The following PHC1 variants were observed in gnomAD, a reference collection of about 807,000 sequenced individuals.
PHC1 encodes the protein polyhomeotic-like protein 1.
A neutral mutation model predicts 104.3 loss-of-function variants in PHC1; 12 were observed. The observed-to-expected ratio is 0.12, with a 90% CI of 0.07 to 0.19. The LOEUF is 0.19. PHC1 is among the 10% of genes least tolerant of loss of function. PHC1 has a pLI of 1.00. For synonymous variants in PHC1, 302 were observed against 455.8 expected (o/e 0.66, Z 4.30); for missense variants, 671 against 1,200.0 (o/e 0.56, Z 6.51).
chr12:8,917,537 A>G (rs1945236700), intron 1 of PHC1, 93 bp from the exon 2 acceptor site: 1 of 486,476 alleles, frequency 2.1e-6, no homozygotes, highest in Admixed American at 4.4e-5. Flanking sequence ...AGATTCTTAG[A>G]TACTTATGGA....
Position 8,917,752 on chromosome 12 carries a change from G to T in PHC1, c.75G>T (p.Gln25His), listed in dbSNP as rs138680834. The T allele has an allele frequency of 5.7e-6, 9 of 1,579,746 alleles. No individual in the cohort carries two copies. The African/African-American group carries it at 9.7e-5, about 17-fold the overall frequency. The change falls in exon 2 of 15, where the codon CAG (glutamine) becomes CAT (histidine). Residue 25 changes from glutamine (Q) to histidine (H), a missense_variant. Physicochemically the swap from Gln to His is conservative, Grantham distance 24 (BLOSUM62 0). Coordinates refer to ENST00000544916, the MANE Select transcript of PHC1 (RefSeq NM_004426.3). Reference sequence around the variant, plus strand: ...GCTCAGGGGGCAGCTCTCGGCCCCAGATAGCTCAAATGTCACTTTATGAAC... The same window carrying T: ...GCTCAGGGGGCAGCTCTCGGCCCCATATAGCTCAAATGTCACTTTATGAAC... ...SSSSGGSSRP[Q>H]IAQMSLYERQ...
intron 4 of PHC1, 31 bp from the exon 5 acceptor site, chr12:8,921,570 C>G: frequency 1.2e-6 from 2 of 1,611,376 alleles, no homozygotes; most frequent in Non-Finnish European, 1.7e-6. Flanking sequence ...CTCCCAAATC[C>G]TTAGTCCTGG....
chr12:8,914,772 C>A lies in PHC1; in HGVS notation c.-104C>A, dbSNP rs1469568832. 1.3e-5 allele frequency: 2 copies of A among 153,496 alleles called. No individual in the cohort carries two copies. Among genetic ancestry groups the A allele is most frequent in the East Asian group, 1.9e-4 (1 of 5,162 alleles). The allele number at this position is 153,496 out of a possible 1,614,324, so 9.5% of individuals were successfully genotyped here. ...AGCCCAGCCTGGCGACTGGGGACCCCGGCACATGAGGTGGACGCCCCCGGG... is the reference window on the plus strand; with the variant it reads ...AGCCCAGCCTGGCGACTGGGGACCCAGGCACATGAGGTGGACGCCCCCGGG... On this transcript the variant is annotated 5_prime_UTR_variant, in exon 1 of 15. Transcript: ENST00000544916.
At position 8,932,587 on chromosome 12, in the gene PHC1, A is replaced by G. The variant is rs750520889; in HGVS notation, c.1130A>G (p.His377Arg). ...GCCACCTACACACAGATCCAGCCCC[A>G]TTCACTGATTCAGCAACAGCAACAG... ...SSATYTQIQP[H>R]SLIQQQQQIH... Residue 377 changes from histidine (H) to arginine (R), a missense_variant, in exon 8 of 15, where the codon CAT becomes CGT. This residue lies in a region of PHC1 where 78 missense variants were observed against 140.8 expected (regional missense o/e 0.55). Transcript: ENST00000544916. The G allele has an allele frequency of 3.7e-6, 6 of 1,613,934 alleles. No homozygotes were observed. The highest frequency in any genetic ancestry group is 1.3e-5 in the African/African-American group (1 of 75,014).
rs1474551838 is a variant in PHC1, at chr12:8,939,549, G to C, written c.*90G>C. 1 of 706,644 alleles carries C rather than the reference G, an allele frequency of 1.4e-6. No homozygotes were observed. Among genetic ancestry groups the C allele is most frequent in the Non-Finnish European group, 2.3e-6 (1 of 428,004 alleles). 43.8% of individuals were successfully genotyped at this position (706,644 alleles called of 1,614,324 possible). A position where few individuals can be genotyped will look rare whatever the true frequency, so the allele number is the denominator to read the frequency against. ...ACCAGCAGACTTTGCAGGGAAGAAA[G>C]AGTTGTTCCAATCATGTAACCTTCT... On this transcript the variant is annotated 3_prime_UTR_variant, in exon 15 of 15. Coordinates refer to ENST00000544916, the MANE Select transcript of PHC1 (RefSeq NM_004426.3).
In PHC1 at chr12:8,921,204, A is replaced by G. The variant is rs745452719; in HGVS notation, c.306+139A>G. 6.1e-5 allele frequency: 39 copies of G among 639,148 alleles called. No homozygotes were observed. The Admixed American group carries it at 1.1e-3, about 18-fold the overall frequency. 39.6% of individuals were successfully genotyped at this position (639,148 alleles called of 1,614,324 possible). A position where few individuals can be genotyped will look rare whatever the true frequency, so the allele number is the denominator to read the frequency against. ...CTGCTTTTAAGTAGAGAATAGTAGT[A>G]CAAGGGGAAAGTAACCAACATTAAT... On this transcript the variant is annotated intron_variant, in intron 4 of 14. Coordinates refer to ENST00000544916, the MANE Select transcript of PHC1 (RefSeq NM_004426.3).
At chr12:8,930,342 A>G in intron 6 of PHC1, 93 bp from the exon 7 acceptor site, 1 of 1,520,604 alleles carries the variant, frequency 6.6e-7, no homozygotes, top group Admixed American at 2.1e-5. Context: ...ATTCTGTGGA[A>G]TACGACACAA....
chr12:8,936,577 A>T (rs764492158), intron 11 of PHC1, among the ~76,000 whole-genome samples: 3 of 152,198 alleles, frequency 2.0e-5, no homozygotes, highest in Non-Finnish European at 2.9e-5. Flanking sequence ...AAATTGAATC[A>T]TATCTGAAAT....
chr12:8,929,478 TAC>T (rs754532726), intron 6 of PHC1, among the ~76,000 whole-genome samples: 172 of 152,168 alleles, frequency 1.1e-3, no homozygotes, highest in African/African-American at 2.3e-3. Context: ...TTTCTAAAAA[TAC>T]AGTCTTTTTA....
intron 6 of PHC1, among the ~76,000 whole-genome samples, chr12:8,923,045 T>G (rs1191825257): frequency 1.3e-5 from 2 of 152,250 alleles, no homozygotes; most frequent in Admixed American, 6.5e-5. Flanking sequence ...AGGGTAAATT[T>G]CCTCACCATC....
intron 6 of PHC1, among the ~76,000 whole-genome samples, chr12:8,924,677 G>A (rs1945466524): frequency 6.6e-6 from 1 of 152,166 alleles, no homozygotes; most frequent in Non-Finnish European, 1.5e-5. Context: ...TTAAATACGA[G>A]TATGTGTGGT....
chr12:8,925,690 A>G (rs888928164), intron 6 of PHC1, among the ~76,000 whole-genome samples: 3 of 152,154 alleles, frequency 2.0e-5, no homozygotes, highest in Non-Finnish European at 2.9e-5. Flanking sequence ...GACGGGTAGG[A>G]GGAACCTTAT....
Position 8,919,941 on chromosome 12 carries a change from C to T in PHC1, c.225+75C>T. The T allele has an allele frequency of 1.3e-6, 2 of 1,554,918 alleles. No individual in the cohort carries two copies. The highest frequency in any genetic ancestry group is 1.7e-6 in the Non-Finnish European group (2 of 1,148,250). On this transcript the variant is annotated intron_variant, in intron 3 of 14. Transcript: ENST00000544916. This position sits in a 1 kb window ranked among gnomAD's most constrained non-coding sequence, Gnocchi z 4.9. ...AGGTGGGTAGGGGAGATTTTTTGGGCATATAGCATCCTATACTAAGCCAGG... is the reference window on the plus strand; with the variant it reads ...AGGTGGGTAGGGGAGATTTTTTGGGTATATAGCATCCTATACTAAGCCAGG...
At chr12:8,920,845 C>G in intron 3 of PHC1, 140 bp from the exon 4 acceptor site, 1 of 603,276 alleles carries the variant, frequency 1.7e-6, no homozygotes. Flanking sequence ...AGTGAATATA[C>G]TTTTCTTTAC....
chr12:8,914,486 A>C (rs778188213), upstream of PHC1: 7 of 146,434 alleles, frequency 4.8e-5, no homozygotes, highest in South Asian at 4.3e-4. Flanking sequence ...CCCCGGAAGC[A>C]CCTCCCCGCA....
intron 1 of PHC1, among the ~76,000 whole-genome samples, chr12:8,916,945 T>A (rs2137050667): frequency 6.6e-6 from 1 of 152,294 alleles, no homozygotes; most frequent in South Asian, 2.1e-4. Flanking sequence ...ACTGAATGTG[T>A]CTGTATCTTA....
chr12:8,931,897 T>C (rs1945696438), intron 7 of PHC1, among the ~76,000 whole-genome samples: 1 of 152,250 alleles, frequency 6.6e-6, no homozygotes, highest in South Asian at 2.1e-4. Context: ...TCTAAATTGC[T>C]TTATCATCAC....
chr12:8,933,096 C>T lies in PHC1; in HGVS notation c.1639C>T (p.Gln547Ter). ...CCAGGCACAGGCTTTGGGGTTGGCACAGCTGGCAGCTGCTGTACCTACTTC... is the reference window on the plus strand; with the variant it reads ...CCAGGCACAGGCTTTGGGGTTGGCATAGCTGGCAGCTGCTGTACCTACTTC... ...TAQAQALGLAQLAAAVPTSRG... is the reference protein window; with the variant it reads ...TAQAQALGLA The change falls in exon 8 of 15, where the codon CAG becomes TAG. Residue 547 changes from glutamine (Q) to a stop codon, truncating the protein, a stop_gained. Coordinates refer to ENST00000544916, the MANE Select transcript of PHC1 (RefSeq NM_004426.3). LOFTEE classifies it high-confidence loss of function. The T allele has an allele frequency of 1.2e-6, 1 of 804,238 alleles. No homozygotes were observed. Among genetic ancestry groups the T allele is most frequent in the South Asian group, 1.8e-5 (1 of 55,362 alleles). The allele number at this position is 804,238 out of a possible 1,614,324, so 49.8% of individuals were successfully genotyped here.
At chr12:8,925,875 G>A (rs1272277730) in intron 6 of PHC1, among the ~76,000 whole-genome samples, 2 of 152,196 alleles carry the variant, frequency 1.3e-5, no homozygotes, top group Non-Finnish European at 2.9e-5. Context: ...AACGGATATG[G>A]TGTGAGTGTG....
Sources: gnomAD v4.1 joint callset for allele counts (sites outside exome capture counted in the v4.1 genomes callset) on GRCh38, gnomAD v4.1.1 for gene constraint, gnomAD v4.1.1 regional missense constraint, Gnocchi (gnomAD v3.1) non-coding constraint, MANE v1.5 for transcripts, NCBI Gene and HGNC (gene_info 2026-07-23, HGNC 2026-07-21) for gene names.